SBSN: variants seen among roughly 807,000 people sequenced by gnomAD.
SBSN encodes HLAR698.
SBSN carries 33 observed loss-of-function variants against 42.8 expected under a neutral mutation model. That is an observed-to-expected ratio of 0.77 (90% CI 0.58 to 1.03). The LOEUF (loss-of-function observed/expected upper bound fraction) is 1.03, where lower values mean the gene tolerates loss of function less well. SBSN is among the 50% of genes least tolerant of loss of function. SBSN has a pLI of 0.00. For synonymous variants in SBSN, 276 were observed against 307.0 expected (o/e 0.90, Z 1.06); for missense variants, 646 against 757.3 (o/e 0.85, Z 1.72).
chr19:35,525,023 G>T (rs2071354631), intron 1 of SBSN, 99 bp from the exon 2 acceptor site: 3 of 1,290,180 alleles, frequency 2.3e-6, no homozygotes, highest in East Asian at 2.5e-5. Context: ...GGTGACTGGG[G>T]CTGCGGTGGG....
Position 35,523,495 on chromosome 19 carries a change from A to C in SBSN, c.*15T>G. 1 of 1,613,964 alleles carries C rather than the reference A, an allele frequency of 6.2e-7. No homozygotes were observed. Among genetic ancestry groups the C allele is most frequent in the Non-Finnish European group, 8.5e-7 (1 of 1,179,898 alleles). On this transcript the variant is annotated 3_prime_UTR_variant, in exon 4 of 4. Coordinates refer to ENST00000452271, the MANE Select transcript of SBSN (RefSeq NM_001166034.2). Reference sequence around the variant, plus strand: ...CAACGGCGACATTATTCTCCCAGCAAGGCCGGATGCCAGTTTAGGGCATGA... The same window carrying C: ...CAACGGCGACATTATTCTCCCAGCACGGCCGGATGCCAGTTTAGGGCATGA...
chr19:35,525,016 G>T, intron 1 of SBSN, 92 bp from the exon 2 acceptor site: 1 of 1,362,574 alleles, frequency 7.3e-7, no homozygotes, highest in South Asian at 1.2e-5. Flanking sequence ...CCTCCAGGGT[G>T]ACTGGGGCTG....
chr19:35,526,616 C>T, intron 1 of SBSN, 28 bp downstream of exon 1: 7 of 1,398,038 alleles, frequency 5.0e-6, no homozygotes, highest in Non-Finnish European at 6.8e-6. Context: ...CCCCCCTGTC[C>T]CCCATCTCCC....
chr19:35,524,914 T>C lies in SBSN; in HGVS notation c.1649A>G (p.Gln550Arg). 6.2e-7 allele frequency: 1 copy of C among 1,614,010 alleles called. No homozygotes were observed. The highest frequency in any genetic ancestry group is 8.5e-7 in the Non-Finnish European group (1 of 1,179,968). ...EANQLLNGNH[Q>R]SGSSSHQGGA... Reference sequence around the variant, plus strand: ...TCCTTGATGGCTGGAAGATCCGCTTTGATGGTTGCCCTGTGGACAAAGCCC... The same window carrying C: ...TCCTTGATGGCTGGAAGATCCGCTTCGATGGTTGCCCTGTGGACAAAGCCC... Residue 550 changes from glutamine to arginine, a missense_variant, in exon 2 of 4, where the codon CAA becomes CGA. Physicochemically the swap from Gln to Arg is conservative, Grantham distance 43. Coordinates refer to ENST00000452271, the MANE Select transcript of SBSN (RefSeq NM_001166034.2).
Position 35,527,442 on chromosome 19 carries a change from C to G in SBSN, c.840G>C (p.Gln280His), listed in dbSNP as rs1027105680. The G allele has an allele frequency of 6.3e-7, 1 of 1,585,202 alleles. No individual in the cohort carries two copies. The highest frequency in any genetic ancestry group is 1.7e-5 in the Admixed American group (1 of 57,924). The change falls in exon 1 of 4, where the codon CAG becomes CAC. Residue 280 changes from glutamine (Q) to histidine (H), a missense_variant. This residue lies in a region of SBSN where 220 missense variants were observed against 334.5 expected (regional missense o/e 0.66). Coordinates refer to ENST00000452271, the MANE Select transcript of SBSN (RefSeq NM_001166034.2). The stretch of plus-strand genomic sequence containing the variant: ...CCTGACCAGCAGTATGGTGGACCCC[C>G]TGGCCAAACTTCTCTGTCTCCTTCC... ...EGWKETEKFG[Q>H]GVHHTAGQVG...
chr19:35,526,584 G>T (rs2071373003), intron 1 of SBSN, 60 bp downstream of exon 1: 1 of 961,608 alleles, frequency 1.0e-6, no homozygotes, highest in Admixed American at 2.2e-5. Context: ...TGTCCCAGGG[G>T]TTTAACCTTT....
intron 3 of SBSN, among the ~76,000 whole-genome samples, chr19:35,524,091 A>G (rs2071341561): frequency 6.6e-6 from 1 of 152,168 alleles, no homozygotes; most frequent in Non-Finnish European, 1.5e-5. Context: ...GAGATAGGAG[A>G]ATCACTTGAA....
rs199539848 is a variant in SBSN at position 35,527,739 on chromosome 19, G to A, written c.543C>T (p.Ala181=). The A allele has an allele frequency of 5.6e-5, 84 of 1,507,532 alleles. 4 individuals carry two copies. The highest frequency in any genetic ancestry group is 6.3e-5 in the Non-Finnish European group (71 of 1,124,644). 93.4% of individuals were successfully genotyped at this position (1,507,532 alleles called of 1,614,324 possible). ...GQGVHHAAGQ[A]GNEAGRFGQG... is the part of the protein sequence containing the mutation. ...GGCCAAACCTCCCAGCCTCATTTCCGGCCTGCCCTGCAGCATGGTGGACTC... is the reference window on the plus strand; with the variant it reads ...GGCCAAACCTCCCAGCCTCATTTCCAGCCTGCCCTGCAGCATGGTGGACTC... The change falls in exon 1 of 4, where the codon GCC becomes GCT. Residue 181 remains alanine (A), a synonymous_variant. Transcript: ENST00000452271.
At position 35,527,624 on chromosome 19, in the gene SBSN, C is replaced by T; in HGVS notation, c.658G>A (p.Glu220Lys). ...ATCCCCTGGCCAAACTTCTCTGTCTCCTTCCAGCCCTCACTGAGACCATGG... is the reference window on the plus strand; with the variant it reads ...ATCCCCTGGCCAAACTTCTCTGTCTTCTTCCAGCCCTCACTGAGACCATGG... ...AHHGLSEGWK[E>K]TEKFGQGIHH... The change falls in exon 1 of 4, where the codon GAG (glutamate) becomes AAG (lysine). Residue 220 changes from glutamate to lysine, a missense_variant. Transcript: ENST00000452271. 3 of 1,532,042 alleles carry T rather than the reference C, an allele frequency of 2.0e-6. No individual in the cohort carries two copies. Among genetic ancestry groups the T allele is most frequent in the East Asian group, 2.5e-5 (1 of 39,952 alleles). 94.9% of individuals were successfully genotyped at this position (1,532,042 alleles called of 1,614,324 possible). A position where few individuals can be genotyped will look rare whatever the true frequency, so the allele number is the denominator to read the frequency against.
intron 3 of SBSN, 61 bp from the exon 4 acceptor site, chr19:35,523,594 A>G: frequency 6.4e-7 from 1 of 1,551,912 alleles, no homozygotes; most frequent in South Asian, 1.1e-5. Flanking sequence ...GGGACCCGAG[A>G]CCTCAGCCCC....
intron 3 of SBSN, among the ~76,000 whole-genome samples, chr19:35,523,886 G>A (rs568333846): frequency 1.3e-5 from 2 of 152,338 alleles, no homozygotes; most frequent in African/African-American, 4.8e-5. Flanking sequence ...TACAATAAGT[G>A]CAAAAAGAGG....
At chr19:35,526,414 G>A (rs2071370548) in intron 1 of SBSN, among the ~76,000 whole-genome samples, 1 of 152,150 alleles carries the variant, frequency 6.6e-6, no homozygotes, top group Non-Finnish European at 1.5e-5. Context: ...CCGCCACCCT[G>A]TCTGATACGT....
Position 35,528,124 on chromosome 19 carries a change from C to A in SBSN, c.158G>T (p.Gly53Val). ...GGCATGCGTGATTCCACTGTTGATG[C>A]CATCCAGGGCCTTGCCCACCTCTCT... Reference protein sequence around the residue: ...AEREVGKALDGINSGITHAGR... With the variant: ...AEREVGKALDVINSGITHAGR... Residue 53 changes from glycine (G) to valine (V), a missense_variant, in exon 1 of 4, where the codon GGC becomes GTC. Gly to Val is a moderately radical substitution (Grantham distance 109). Coordinates refer to ENST00000452271, the MANE Select transcript of SBSN (RefSeq NM_001166034.2). 6.2e-7 allele frequency: 1 copy of A among 1,614,042 alleles called. No homozygotes were observed.
intron 1 of SBSN, among the ~76,000 whole-genome samples, chr19:35,525,561 G>A (rs908651814): frequency 6.6e-6 from 1 of 151,772 alleles, no homozygotes; most frequent in African/African-American, 2.4e-5. Flanking sequence ...ATGGAGCCTG[G>A]AGAGTGAGGG....
chr19:35,526,858 T>TTGTC lies in SBSN; in HGVS notation c.1420_1423dup (p.Lys475ArgfsTer30). On this transcript the variant is annotated frameshift_variant, in exon 1 of 4. Transcript: ENST00000452271. LOFTEE classifies it high-confidence loss of function. ...CCCAGTGTGGAACCCTTGGACCGCT[T>TTGTC]TGTCTGCTTCCTTCCCGGCCTGTTC... 1 of 1,613,708 alleles carries TTGTC rather than the reference T, an allele frequency of 6.2e-7. No individual in the cohort carries two copies. The highest frequency in any genetic ancestry group is 8.5e-7 in the Non-Finnish European group (1 of 1,179,898).
In SBSN at chr19:35,527,928, C is replaced by T; in HGVS notation, c.354G>A (p.Gly118=). ...AGKEAEKLGH[G]VNNAAGQVGK... is the part of the protein sequence containing the mutation. ...CAACCTGTCCAGCAGCGTTGTTGAC[C>T]CCATGGCCAAGCTTCTCTGCTTCCT... The change falls in exon 1 of 4, where the codon GGG becomes GGA. Residue 118 remains glycine (G), a synonymous_variant. Transcript: ENST00000452271. 1.9e-6 allele frequency: 3 copies of T among 1,614,112 alleles called. No homozygotes were observed. Among genetic ancestry groups the T allele is most frequent in the Non-Finnish European group, 2.5e-6 (3 of 1,180,028 alleles).
intron 1 of SBSN, 50 bp downstream of exon 1, chr19:35,526,594 T>TCCCCCCCCCCACCCCC: frequency 1.2e-6 from 1 of 817,468 alleles, no homozygotes; most frequent in Non-Finnish European, 1.9e-6. Context: ...GTTTAACCTT[T>TCCCCCCCCCCACCCCC]CCCTCCCCCA....
chr19:35,525,650 G>A (rs767912098), intron 1 of SBSN, among the ~76,000 whole-genome samples: 14 of 152,012 alleles, frequency 9.2e-5, no homozygotes, highest in Non-Finnish European at 1.8e-4. Flanking sequence ...CTATTTGCCT[G>A]CCTCCAGTCT....
chr19:35,525,655 C>T (rs1329372220), intron 1 of SBSN, among the ~76,000 whole-genome samples: 1 of 152,122 alleles, frequency 6.6e-6, no homozygotes, highest in Non-Finnish European at 1.5e-5. Context: ...TGCCTGCCTC[C>T]AGTCTCTGTT....
Sources: allele counts gnomAD v4.1 joint callset (sites outside exome capture counted in the v4.1 genomes callset), GRCh38; gene constraint gnomAD v4.1.1; regional missense constraint gnomAD v4.1.1; transcripts MANE v1.5; gene names NCBI Gene and HGNC (gene_info 2026-07-23, HGNC 2026-07-21).